Variants in XRCC4 observed in about 807,000 individuals in gnomAD.
The protein encoded by XRCC4 is X-ray repair cross complementing 4.
In XRCC4, 28 loss-of-function variants were observed where a neutral mutation model predicts 39.1. The observed-to-expected ratio is 0.72, with a 90% confidence interval of 0.53 to 0.98. The LOEUF (loss-of-function observed/expected upper bound fraction) is 0.98, where lower values mean the gene tolerates loss of function less well. Among genes scored for constraint, XRCC4 ranks in the 50% least tolerant of loss-of-function variants. The pLI is 0.00. For missense variants in XRCC4, 350 were observed against 376.4 expected (o/e 0.93, Z 0.58); for synonymous variants, 123 against 126.4 (o/e 0.97, Z 0.18).
chr5:83,359,944 T>A, the XRCC4 span, among the ~76,000 whole-genome samples: 2 of 152,156 alleles, frequency 1.3e-5, no homozygotes, highest in East Asian at 3.9e-4. Flanking sequence ...ATTAGATGTA[T>A]CTTCTAATCA....
chr5:83,360,625 G>A, the XRCC4 span, among the ~76,000 whole-genome samples: 1 of 152,032 alleles, frequency 6.6e-6, no homozygotes, highest in Non-Finnish European at 1.5e-5. Flanking sequence ...CTTTGGGAGA[G>A]TCAAATCTCT....
intron 3 of XRCC4, among the ~76,000 whole-genome samples, chr5:83,166,765 C>G (rs1749498757): frequency 1.3e-5 from 2 of 152,024 alleles, no homozygotes; most frequent in South Asian, 4.2e-4. Flanking sequence ...GCGTGAGCCA[C>G]CGTGCTTGGC....
chr5:83,207,460 C>G (rs1751463810), intron 6 of XRCC4, among the ~76,000 whole-genome samples: 1 of 151,980 alleles, frequency 6.6e-6, no homozygotes, highest in Non-Finnish European at 1.5e-5. Flanking sequence ...ATCTATAGGT[C>G]TCTGTTTTTA....
chr5:83,324,951 A>T (rs1164810422), intron 7 of XRCC4, among the ~76,000 whole-genome samples: 1 of 152,148 alleles, frequency 6.6e-6, no homozygotes, highest in Non-Finnish European at 1.5e-5. Flanking sequence ...ATCATGTAGA[A>T]TGGACGGCCT....
rs1054774328 is a variant in XRCC4 at position 83,157,793 on chromosome 5, A to G, written c.316-37977A>G. On this transcript the variant is annotated intron_variant, in intron 3 of 7. Coordinates refer to ENST00000396027, the MANE Select transcript of XRCC4 (RefSeq NM_003401.5). ...GGAAAGTTAAGAAAATTTGATGATC[A>G]ATCCAGGAAGTTTATTCTCTAATAA... Among the ~76,000 whole-genome samples the G allele has an allele frequency of 2.0e-5, 3 of 152,146 alleles. No individual in the cohort carries two copies. In the South Asian group the frequency reaches 6.2e-4, roughly 31 times the overall value.
intron 6 of XRCC4, among the ~76,000 whole-genome samples, chr5:83,253,721 A>G (rs1753417704): frequency 6.6e-6 from 1 of 152,336 alleles, no homozygotes; most frequent in African/African-American, 2.4e-5. Flanking sequence ...TATAAAAATA[A>G]TGAGATTTAA....
At chr5:83,092,132 A>G (rs909177093) in intron 1 of XRCC4, among the ~76,000 whole-genome samples, 5 of 152,114 alleles carry the variant, frequency 3.3e-5, no homozygotes. Flanking sequence ...TTTTTCAAGT[A>G]TCTATCAGTT....
intron 7 of XRCC4, among the ~76,000 whole-genome samples, chr5:83,266,697 T>C (rs568066125): frequency 1.3e-5 from 2 of 152,250 alleles, no homozygotes; most frequent in African/African-American, 4.8e-5. Flanking sequence ...TAATTGAAAA[T>C]CTTTTACAAT....
At chr5:83,224,232 T>A (rs927072219) in intron 6 of XRCC4, among the ~76,000 whole-genome samples, 2 of 152,070 alleles carry the variant, frequency 1.3e-5, no homozygotes, top group African/African-American at 4.8e-5. Context: ...CTTTGATAGC[T>A]TTCTATAGTA....
intron 5 of XRCC4, among the ~76,000 whole-genome samples, chr5:83,204,469 C>T (rs542617568): frequency 6.6e-6 from 1 of 151,862 alleles, no homozygotes; most frequent in South Asian, 2.1e-4. Flanking sequence ...AAATGAAATG[C>T]GAACTGTTCT....
intron 7 of XRCC4, among the ~76,000 whole-genome samples, chr5:83,342,630 G>A (rs1220947378): frequency 6.6e-6 from 1 of 151,958 alleles, no homozygotes; most frequent in African/African-American, 2.4e-5. Flanking sequence ...TTATTTTCTA[G>A]GCCAACGAAA....
intron 1 of XRCC4, among the ~76,000 whole-genome samples, chr5:83,085,275 A>G (rs1745129071): frequency 6.6e-6 from 1 of 152,138 alleles, no homozygotes; most frequent in Non-Finnish European, 1.5e-5. Flanking sequence ...TGACAGTATA[A>G]ATATTGACAT....
At chr5:83,294,439 C>T (rs1755027235) in intron 7 of XRCC4, among the ~76,000 whole-genome samples, 1 of 152,002 alleles carries the variant, frequency 6.6e-6, no homozygotes, top group South Asian at 2.1e-4. Flanking sequence ...GTATTGTGCT[C>T]TGAAAAGTCA....
intron 3 of XRCC4, among the ~76,000 whole-genome samples, chr5:83,162,161 C>T (rs371224578): frequency 3.3e-5 from 5 of 151,822 alleles, no homozygotes; most frequent in African/African-American, 4.8e-5. Context: ...AGCGAGACAA[C>T]GTTTCAAAAA....
intron 6 of XRCC4, among the ~76,000 whole-genome samples, chr5:83,236,355 C>G (rs1752688173): frequency 6.6e-6 from 1 of 151,954 alleles, no homozygotes; most frequent in African/African-American, 2.4e-5. Context: ...ATGGTACTGT[C>G]TCATAAAAAC....
At chr5:83,313,448 G>A (rs2112101952) in intron 7 of XRCC4, among the ~76,000 whole-genome samples, 1 of 152,094 alleles carries the variant, frequency 6.6e-6, no homozygotes, top group South Asian at 2.1e-4. Flanking sequence ...ACTGCTGTAG[G>A]ATATTTATTG....
intron 7 of XRCC4, among the ~76,000 whole-genome samples, chr5:83,278,980 G>A (rs1442883775): frequency 7.7e-5 from 11 of 143,390 alleles, no homozygotes; most frequent in East Asian, 2.0e-4. Flanking sequence ...CAGCCTGGGC[G>A]GCAGAGCAAG....
At chr5:83,250,395 A>C (rs1171116048) in intron 6 of XRCC4, among the ~76,000 whole-genome samples, 1 of 152,198 alleles carries the variant, frequency 6.6e-6, no homozygotes, top group Non-Finnish European at 1.5e-5. Flanking sequence ...TAAGTTATTT[A>C]TTATTAGGTT....
chr5:83,230,612 T>G (rs1457282008), intron 6 of XRCC4, among the ~76,000 whole-genome samples: 1 of 152,064 alleles, frequency 6.6e-6, no homozygotes, highest in Non-Finnish European at 1.5e-5. Context: ...GAGCTTCCTA[T>G]AGACATGCTG....
Sources: gnomAD v4.1 joint callset for allele counts (sites outside exome capture counted in the v4.1 genomes callset) on GRCh38, gnomAD v4.1.1 for gene constraint, MANE v1.5 for transcripts, NCBI Gene and HGNC (gene_info 2026-07-23, HGNC 2026-07-21) for gene names.